The following IL20RB variants were observed in gnomAD, a reference collection of about 807,000 sequenced individuals.
The protein encoded by IL20RB is interleukin-20 receptor subunit beta.
IL20RB carries 21 observed loss-of-function variants against 33.3 expected under a neutral mutation model. That is an observed-to-expected ratio of 0.63 (90% CI 0.45 to 0.91). The LOEUF is 0.91. IL20RB is among the 40% of genes least tolerant of loss of function. IL20RB has a pLI of 0.00. For synonymous variants in IL20RB, 147 were observed against 146.8 expected (o/e 1.00, Z -0.01); for missense variants, 345 against 384.8 (o/e 0.90, Z 0.86).
intron 2 of IL20RB, 82 bp downstream of exon 2, chr3:136,980,674 G>A: frequency 6.6e-7 from 1 of 1,505,250 alleles, no homozygotes; most frequent in Non-Finnish European, 9.2e-7. Context: ...TGAGCCCAAG[G>A]TGGCTTTTTG....
At chr3:137,008,487 G>T (rs1439435341) in intron 6 of IL20RB, among the ~76,000 whole-genome samples, 1 of 152,180 alleles carries the variant, frequency 6.6e-6, no homozygotes, top group African/African-American at 2.4e-5. Flanking sequence ...ATTTTTAAAT[G>T]TTGAAAACTG....
At chr3:136,990,433 C>T (rs1207813043) in intron 4 of IL20RB, among the ~76,000 whole-genome samples, 1 of 152,188 alleles carries the variant, frequency 6.6e-6, no homozygotes, top group East Asian at 1.9e-4. Context: ...TTCTATGGCC[C>T]TTTCCTAGCT....
In IL20RB at chr3:136,958,050, T is replaced by C; in HGVS notation, c.-64T>C. The C allele has an allele frequency of 1.0e-6, 1 of 979,864 alleles. No individual in the cohort carries two copies. The highest frequency in any genetic ancestry group is 1.6e-6 in the Non-Finnish European group (1 of 615,756). 60.7% of individuals were successfully genotyped at this position (979,864 alleles called of 1,614,324 possible). A position where few individuals can be genotyped will look rare whatever the true frequency, so the allele number is the denominator to read the frequency against. ...CATATGCATTCTGAAGAAAGATGGCTGAGATGGACAGAATGCTTTATTTTG... is the reference window on the plus strand; with the variant it reads ...CATATGCATTCTGAAGAAAGATGGCCGAGATGGACAGAATGCTTTATTTTG... On this transcript the variant is annotated 5_prime_UTR_variant, in exon 1 of 7. Transcript: ENST00000329582.
chr3:136,972,847 T>C (rs1317594789), intron 1 of IL20RB, among the ~76,000 whole-genome samples: 1 of 152,148 alleles, frequency 6.6e-6, no homozygotes, highest in Admixed American at 6.5e-5. Flanking sequence ...GGGTTTGCTT[T>C]GTTCTTGCTT....
chr3:136,978,668 AT>A (rs1301864471), intron 1 of IL20RB, among the ~76,000 whole-genome samples: 1 of 152,156 alleles, frequency 6.6e-6, no homozygotes, highest in African/African-American at 2.4e-5. Flanking sequence ...ACATTACTGA[AT>A]TTGGATTGCT....
chr3:137,005,919 T>G (rs1942340998), intron 6 of IL20RB, among the ~76,000 whole-genome samples: 1 of 152,224 alleles, frequency 6.6e-6, no homozygotes, highest in South Asian at 2.1e-4. Flanking sequence ...TTCATCTCCA[T>G]GTTTAGTGCT....
intron 6 of IL20RB, among the ~76,000 whole-genome samples, chr3:136,999,439 A>G (rs965427934): frequency 4.0e-5 from 6 of 151,756 alleles, no homozygotes; most frequent in Non-Finnish European, 8.8e-5. Flanking sequence ...GGTTCTCCCT[A>G]TGTTTCCCAG....
intron 6 of IL20RB, among the ~76,000 whole-genome samples, chr3:137,009,658 G>C (rs1444170246): frequency 6.6e-6 from 1 of 152,030 alleles, no homozygotes; most frequent in Non-Finnish European, 1.5e-5. Context: ...TCCTGCCTCA[G>C]CCTCACGAGT....
At chr3:136,958,413 A>C (rs574305878) in intron 1 of IL20RB, among the ~76,000 whole-genome samples, 4 of 152,346 alleles carry the variant, frequency 2.6e-5, no homozygotes, top group Non-Finnish European at 4.4e-5. Context: ...TAATGTCCAC[A>C]CAACAATCTA....
intron 3 of IL20RB, among the ~76,000 whole-genome samples, chr3:136,987,278 C>A (rs1452748626): frequency 6.6e-6 from 1 of 151,986 alleles, no homozygotes; most frequent in Non-Finnish European, 1.5e-5. Context: ...AGGTTCTCCA[C>A]GTCCCCACCA....
intron 1 of IL20RB, among the ~76,000 whole-genome samples, chr3:136,966,164 TG>T (rs1941345647): frequency 7.0e-6 from 1 of 142,818 alleles, no homozygotes; most frequent in African/African-American, 2.8e-5. Context: ...TCTCTTTTTT[TG>T]TTGTGTCTCT....
At chr3:136,991,671 C>T (rs1942034474) in intron 4 of IL20RB, among the ~76,000 whole-genome samples, 1 of 152,170 alleles carries the variant, frequency 6.6e-6, no homozygotes, top group Non-Finnish European at 1.5e-5. Context: ...TGCAGTGGCA[C>T]GATCTCGGAT....
chr3:136,997,775 C>T (rs949882990), intron 6 of IL20RB, among the ~76,000 whole-genome samples: 1 of 151,618 alleles, frequency 6.6e-6, no homozygotes. Context: ...TTTTAGTCCA[C>T]TAACTTTTTT....
intron 1 of IL20RB, among the ~76,000 whole-genome samples, chr3:136,969,910 G>T (rs966295678): frequency 3.3e-5 from 5 of 151,916 alleles, no homozygotes; most frequent in Admixed American, 6.6e-5. Context: ...TCACATCTAA[G>T]AACTTTTTGC....
chr3:136,966,067 G>A (rs1189539699), intron 1 of IL20RB, among the ~76,000 whole-genome samples: 6 of 122,958 alleles, frequency 4.9e-5, no homozygotes, highest in African/African-American at 2.0e-4. Context: ...TGGTGGATAA[G>A]CTTTTTGATG....
intron 4 of IL20RB, among the ~76,000 whole-genome samples, chr3:136,990,911 G>C (rs1283447361): frequency 6.6e-6 from 1 of 152,202 alleles, no homozygotes; most frequent in Non-Finnish European, 1.5e-5. Context: ...ACAGGGCAGA[G>C]CCTGTGCAGG....
intron 3 of IL20RB, among the ~76,000 whole-genome samples, chr3:136,985,337 CTT>C (rs35515236): frequency 0.42 from 57,473 of 136,324 alleles, 11,683 homozygotes; most frequent in East Asian, 0.66. Context: ...CTCTCTCTCT[CTT>C]TTTTTTTTTT....
chr3:136,979,372 G>C (rs1321613612), intron 1 of IL20RB, among the ~76,000 whole-genome samples: 1 of 152,214 alleles, frequency 6.6e-6, no homozygotes, highest in Non-Finnish European at 1.5e-5. Context: ...TGCCAATCTG[G>C]AGATAGGCAC....
intron 1 of IL20RB, among the ~76,000 whole-genome samples, chr3:136,975,458 C>G (rs1188705046): frequency 6.6e-6 from 1 of 152,148 alleles, no homozygotes; most frequent in African/African-American, 2.4e-5. Flanking sequence ...CCTGCCTCAG[C>G]CTCCCGAGTA....
Sources: gnomAD v4.1 joint callset for allele counts (sites outside exome capture counted in the v4.1 genomes callset) on GRCh38, gnomAD v4.1.1 for gene constraint, MANE v1.5 for transcripts, NCBI Gene and HGNC (gene_info 2026-07-23, HGNC 2026-07-21) for gene names.